The following SRBD1 variants were observed in gnomAD, a reference collection of about 807,000 sequenced individuals.
SRBD1 encodes the protein S1 RNA binding domain 1, also known as S1 RNA-binding domain-containing protein 1.
SRBD1 carries 88 observed loss-of-function variants against 115.3 expected under a neutral mutation model. The observed-to-expected ratio is 0.76, with a 90% CI of 0.64 to 0.91. SRBD1 has a LOEUF of 0.91. Among genes scored for constraint, SRBD1 ranks in the 40% least tolerant of loss-of-function variants. The probability of loss-of-function intolerance (pLI) is 0.00; values close to 1 mark genes in which losing one functional copy is unlikely to be tolerated. For missense variants in SRBD1, 1,385 were observed against 1,177.4 expected (o/e 1.18, Z -2.58); for synonymous variants, 509 against 407.7 (o/e 1.25, Z -2.99).
At chr2:45,441,910 A>G (rs1160990680) in intron 16 of SRBD1, among the ~76,000 whole-genome samples, 1 of 152,196 alleles carries the variant, frequency 6.6e-6, no homozygotes, top group Non-Finnish European at 1.5e-5. Flanking sequence ...CAAGCTGCCA[A>G]ATTCTCATGC....
At chr2:45,527,185 G>T (rs888504790) in intron 14 of SRBD1, among the ~76,000 whole-genome samples, 1 of 151,748 alleles carries the variant, frequency 6.6e-6, no homozygotes, top group Non-Finnish European at 1.5e-5. Flanking sequence ...CATTATGTGT[G>T]GGGGAGGGGG....
chr2:45,579,824 T>TAAAA, intron 7 of SRBD1, 51 bp downstream of exon 7: 2 of 1,332,942 alleles, frequency 1.5e-6, no homozygotes, highest in Non-Finnish European at 9.9e-7. Flanking sequence ...GTTTTTAAAT[T>TAAAA]AAAAAAAAAA....
At chr2:45,464,439 G>A (rs1045025057) in intron 16 of SRBD1, among the ~76,000 whole-genome samples, 2 of 152,126 alleles carry the variant, frequency 1.3e-5, no homozygotes, top group East Asian at 1.9e-4. Context: ...GACATTTCAC[G>A]TCCTCAGATC....
chr2:45,422,174 A>G (rs1026584293), intron 16 of SRBD1, among the ~76,000 whole-genome samples: 2 of 152,258 alleles, frequency 1.3e-5, no homozygotes, highest in African/African-American at 2.4e-5. Flanking sequence ...GAATAAGGGA[A>G]ACAAGTTGAT....
At chr2:45,462,637 C>A (rs1265970740) in intron 16 of SRBD1, among the ~76,000 whole-genome samples, 1 of 151,180 alleles carries the variant, frequency 6.6e-6, no homozygotes, top group Non-Finnish European at 1.5e-5. Context: ...CATGGTGAAA[C>A]CCCGTCTGTA....
intron 14 of SRBD1, among the ~76,000 whole-genome samples, chr2:45,512,492 C>A (rs1038361760): frequency 6.6e-6 from 1 of 152,116 alleles, no homozygotes; most frequent in Non-Finnish European, 1.5e-5. Context: ...CTTTTAAATT[C>A]CAAAAAATAA....
chr2:45,572,279 A>C (rs907572898), intron 9 of SRBD1, among the ~76,000 whole-genome samples: 15 of 152,148 alleles, frequency 9.9e-5, no homozygotes, highest in African/African-American at 3.6e-4. Flanking sequence ...TCTATATTTT[A>C]AAAACTCTCT....
chr2:45,519,025 G>A (rs953408970), intron 14 of SRBD1, among the ~76,000 whole-genome samples: 7 of 149,888 alleles, frequency 4.7e-5, no homozygotes, highest in Non-Finnish European at 1.5e-5. Flanking sequence ...AAAGTATATT[G>A]AGAAAGCCTA....
intron 11 of SRBD1, among the ~76,000 whole-genome samples, chr2:45,551,655 C>T (rs538132119): frequency 6.6e-5 from 10 of 152,128 alleles, no homozygotes; most frequent in South Asian, 4.1e-4. Flanking sequence ...GAAAATATCC[C>T]GGACAATGGA....
intron 5 of SRBD1, 105 bp downstream of exon 5, chr2:45,585,503 G>A (rs2104197833): frequency 7.9e-7 from 1 of 1,268,788 alleles, no homozygotes; most frequent in East Asian, 2.4e-5. Context: ...ATAATTCAAG[G>A]AAACAAAATG....
intron 6 of SRBD1, among the ~76,000 whole-genome samples, 190 bp from the exon 7 acceptor site, chr2:45,580,203 T>C (rs768103238): frequency 2.6e-5 from 4 of 152,236 alleles, no homozygotes; most frequent in Admixed American, 6.5e-5. Context: ...GTGCTTTATC[T>C]TATTCTTTAT....
At chr2:45,589,820 G>A (rs1457738085) in intron 4 of SRBD1, among the ~76,000 whole-genome samples, 2 of 152,030 alleles carry the variant, frequency 1.3e-5, no homozygotes, top group African/African-American at 4.8e-5. Context: ...ACCATACTAA[G>A]CCAATGATAA....
At chr2:45,566,451 C>A (rs972942748) in intron 9 of SRBD1, among the ~76,000 whole-genome samples, 2 of 152,140 alleles carry the variant, frequency 1.3e-5, no homozygotes, top group Non-Finnish European at 2.9e-5. Flanking sequence ...AAGAAACCAG[C>A]GGCAAAAGTC....
chr2:45,430,669 A>G (rs1302168996), intron 16 of SRBD1, among the ~76,000 whole-genome samples: 1 of 152,196 alleles, frequency 6.6e-6, no homozygotes, highest in Non-Finnish European at 1.5e-5. Flanking sequence ...ACTTAAACAT[A>G]AGACCTAAAA....
At chr2:45,391,779 A>G (rs1302133441) in intron 20 of SRBD1, among the ~76,000 whole-genome samples, 1 of 152,212 alleles carries the variant, frequency 6.6e-6, no homozygotes, top group Non-Finnish European at 1.5e-5. Flanking sequence ...TGAGTCTACA[A>G]TGCAACTGGG....
intron 5 of SRBD1, among the ~76,000 whole-genome samples, chr2:45,582,935 T>C (rs898850614): frequency 2.0e-5 from 3 of 152,162 alleles, no homozygotes; most frequent in African/African-American, 7.2e-5. Flanking sequence ...GGATTCCATG[T>C]AGAAAAGTTG....
chr2:45,409,016 C>T (rs1213420607), intron 19 of SRBD1, among the ~76,000 whole-genome samples: 1 of 152,054 alleles, frequency 6.6e-6, no homozygotes, highest in Non-Finnish European at 1.5e-5. Flanking sequence ...CGAAGGAGTT[C>T]AAGACCAGCC....
intron 4 of SRBD1, among the ~76,000 whole-genome samples, chr2:45,592,256 A>G (rs1408079185): frequency 6.6e-6 from 1 of 152,074 alleles, no homozygotes; most frequent in Non-Finnish European, 1.5e-5. Flanking sequence ...CAGCATGAAA[A>G]CAGACTAATA....
intron 5 of SRBD1, among the ~76,000 whole-genome samples, chr2:45,583,012 T>C (rs1253664273): frequency 6.6e-6 from 1 of 152,126 alleles, no homozygotes; most frequent in Non-Finnish European, 1.5e-5. Context: ...GGCACAGTAG[T>C]TCCCCCACTT....
Sources: gnomAD v4.1 joint callset for allele counts (sites outside exome capture counted in the v4.1 genomes callset) on GRCh38, gnomAD v4.1.1 for gene constraint, MANE v1.5 for transcripts, NCBI Gene and HGNC (gene_info 2026-07-23, HGNC 2026-07-21) for gene names.